CTNNA3: variants seen among roughly 807,000 people sequenced by gnomAD.
CTNNA3 encodes catenin alpha-3.
A neutral mutation model predicts 95.7 loss-of-function variants in CTNNA3; 76 were observed. The observed-to-expected ratio is 0.79, with a 90% CI of 0.66 to 0.96. The LOEUF is 0.96. Among genes scored for constraint, CTNNA3 ranks in the 40% least tolerant of loss-of-function variants. The pLI is 0.00. For synonymous variants in CTNNA3, 431 were observed against 374.4 expected, an observed-to-expected ratio of 1.15 and a Z score of -1.74; for missense variants, 1,191 against 1,089.8, an observed-to-expected ratio of 1.09 and a Z score of -1.31.
chr10:66,022,826 C>T (rs184522568), intron 15 of CTNNA3, among the ~76,000 whole-genome samples: 1 of 152,204 alleles, frequency 6.6e-6, no homozygotes, highest in Non-Finnish European at 1.5e-5. Context: ...TAGCTGTTTC[C>T]ATTTCCTTAG....
chr10:67,346,713 T>C (rs1033584639), intron 5 of CTNNA3: 4 of 512,808 alleles, frequency 7.8e-6, no homozygotes, highest in African/African-American at 7.7e-5. Context: ...TTAATAGAAA[T>C]AATCCAAATT....
At chr10:66,672,732 C>T (rs945101787) in intron 9 of CTNNA3, among the ~76,000 whole-genome samples, 31 of 151,902 alleles carry the variant, frequency 2.0e-4, no homozygotes, top group Admixed American at 1.8e-3. Context: ...TCCACCCACC[C>T]GAGCAACACC....
chr10:66,007,724 CCCTTTCTT>C (rs2078918908), intron 15 of CTNNA3, among the ~76,000 whole-genome samples: 1 of 40,696 alleles, frequency 2.5e-5, no homozygotes, highest in Non-Finnish European at 4.6e-5. Flanking sequence ...CTCCCTCCCT[CCCTTTCTT>C]CCTCCCTACC....
chr10:66,335,123 C>T (rs574525998), intron 12 of CTNNA3, among the ~76,000 whole-genome samples: 1 of 152,088 alleles, frequency 6.6e-6, no homozygotes, highest in Admixed American at 6.5e-5. Flanking sequence ...TTCTAGTTAG[C>T]CATTTGTCAA....
chr10:67,043,820 T>C (rs1324849653), intron 7 of CTNNA3, among the ~76,000 whole-genome samples: 1 of 152,154 alleles, frequency 6.6e-6, no homozygotes, highest in Non-Finnish European at 1.5e-5. Flanking sequence ...AGGATAATTA[T>C]GATACAGTGA....
At chr10:67,442,461 CA>C (rs1426125004) in intron 5 of CTNNA3, among the ~76,000 whole-genome samples, 2 of 151,878 alleles carry the variant, frequency 1.3e-5, no homozygotes, top group African/African-American at 4.8e-5. Flanking sequence ...CTGTTGCCTA[CA>C]AGAAACACAC....
chr10:66,994,094 A>C (rs1357428982), intron 7 of CTNNA3, among the ~76,000 whole-genome samples: 1 of 152,206 alleles, frequency 6.6e-6, no homozygotes, highest in African/African-American at 2.4e-5. Context: ...TAACCAAGTT[A>C]AGCTCCTAGA....
intron 13 of CTNNA3, among the ~76,000 whole-genome samples, chr10:66,230,982 G>T (rs1022918795): frequency 6.6e-6 from 1 of 152,126 alleles, no homozygotes; most frequent in African/African-American, 2.4e-5. Context: ...GGGCTATTGG[G>T]CCCCAGGGAA....
chr10:66,264,838 C>T (rs939757862), intron 13 of CTNNA3, among the ~76,000 whole-genome samples: 13 of 151,928 alleles, frequency 8.6e-5, no homozygotes, highest in African/African-American at 2.7e-4. Flanking sequence ...GAACTGAAAA[C>T]GACATAATCC....
intron 1 of CTNNA3, among the ~76,000 whole-genome samples, chr10:67,703,201 A>G (rs55735549): frequency 0.17 from 26,202 of 151,496 alleles, 3,157 homozygotes; most frequent in East Asian, 0.41. Context: ...AGAGGTACAA[A>G]CAGGAGCTGG....
chr10:66,655,524 G>A (rs1846045438), intron 9 of CTNNA3, among the ~76,000 whole-genome samples: 1 of 152,036 alleles, frequency 6.6e-6, no homozygotes, highest in Non-Finnish European at 1.5e-5. Flanking sequence ...CTCATGCTTT[G>A]CCCTGCCAGG....
chr10:67,010,192 A>C (rs1852231598), intron 7 of CTNNA3, among the ~76,000 whole-genome samples: 2 of 152,208 alleles, frequency 1.3e-5, no homozygotes, highest in Non-Finnish European at 2.9e-5. Flanking sequence ...TACACATATC[A>C]TTTATAAATA....
chr10:67,471,086 G>C (rs979199531), intron 5 of CTNNA3, among the ~76,000 whole-genome samples: 38 of 152,234 alleles, frequency 2.5e-4, no homozygotes, highest in South Asian at 1.7e-3. Flanking sequence ...CAAAGCACGG[G>C]GGGGTGGGGC....
At chr10:67,286,321 A>G (rs1839602778) in intron 5 of CTNNA3, among the ~76,000 whole-genome samples, 2 of 152,356 alleles carry the variant, frequency 1.3e-5, no homozygotes, top group East Asian at 3.9e-4. Context: ...TGTGGGAAGT[A>G]AAACTATAAA....
intron 5 of CTNNA3, among the ~76,000 whole-genome samples, chr10:67,228,076 G>A (rs1865011139): frequency 2.0e-5 from 3 of 151,976 alleles, no homozygotes. Context: ...CAAAAAGACT[G>A]AAAAAGCACA....
At chr10:66,720,607 TG>T (rs1439716777) in intron 9 of CTNNA3, among the ~76,000 whole-genome samples, 3 of 151,922 alleles carry the variant, frequency 2.0e-5, no homozygotes. Flanking sequence ...CTCAGGCGGG[TG>T]GATCACCTGA....
At chr10:67,658,740 C>T (rs1000898355) in intron 1 of CTNNA3, among the ~76,000 whole-genome samples, 2 of 152,172 alleles carry the variant, frequency 1.3e-5, no homozygotes, top group Non-Finnish European at 2.9e-5. Flanking sequence ...GTTAGATGCA[C>T]TAAGTGTGGG....
intron 9 of CTNNA3, among the ~76,000 whole-genome samples, chr10:66,715,954 T>C (rs898543638): frequency 6.6e-6 from 1 of 152,082 alleles, no homozygotes; most frequent in African/African-American, 2.4e-5. Context: ...ATTCAAATTA[T>C]CTATTAAGTC....
intron 11 of CTNNA3, among the ~76,000 whole-genome samples, chr10:66,432,103 A>G (rs2093301767): frequency 6.6e-6 from 1 of 152,094 alleles, no homozygotes; most frequent in African/African-American, 2.4e-5. Flanking sequence ...ATATTGAGAA[A>G]TACTTTATTG....
Sources: gnomAD v4.1 joint callset for allele counts (sites outside exome capture counted in the v4.1 genomes callset) on GRCh38, gnomAD v4.1.1 for gene constraint, MANE v1.5 for transcripts, NCBI Gene and HGNC (gene_info 2026-07-23, HGNC 2026-07-21) for gene names.